Variants in TMPRSS7 observed in about 807,000 individuals in gnomAD.
TMPRSS7 encodes the protein transmembrane protease serine 7.
In TMPRSS7, 81 loss-of-function variants were observed where a neutral mutation model predicts 95.6. The ratio of observed to expected loss-of-function variants is 0.85; its 90% CI spans 0.71 to 1.02. TMPRSS7 has a LOEUF of 1.02. Among genes scored for constraint, TMPRSS7 ranks in the 50% least tolerant of loss-of-function variants. The probability of loss-of-function intolerance (pLI) is 0.00; values close to 1 mark genes in which losing one functional copy is unlikely to be tolerated. For missense variants in TMPRSS7, 945 were observed against 955.2 expected (o/e 0.99, Z 0.14); for synonymous variants, 364 against 337.8 (o/e 1.08, Z -0.85).
chr3:112,079,387 C>A (rs551772698), intron 17 of TMPRSS7, among the ~76,000 whole-genome samples: 4 of 152,272 alleles, frequency 2.6e-5, no homozygotes, highest in South Asian at 2.1e-4. Flanking sequence ...TATGCAGTTA[C>A]CTACATGATT....
intron 10 of TMPRSS7, among the ~76,000 whole-genome samples, chr3:112,057,721 T>G (rs150664133): frequency 2.0e-5 from 3 of 152,180 alleles, no homozygotes; most frequent in Non-Finnish European, 4.4e-5. Context: ...TTTTTTGTTT[T>G]GGTTTTTTAT....
intron 11 of TMPRSS7, among the ~76,000 whole-genome samples, chr3:112,062,523 G>C (rs892346528): frequency 1.3e-5 from 2 of 152,182 alleles, no homozygotes; most frequent in African/African-American, 4.8e-5. Flanking sequence ...CATCTTAAGA[G>C]GGAAAAAGTA....
intron 6 of TMPRSS7, 89 bp downstream of exon 6, chr3:112,047,101 T>C (rs1359237123): frequency 1.5e-6 from 1 of 682,062 alleles, no homozygotes; most frequent in Non-Finnish European, 2.7e-6. Flanking sequence ...TATTTGTTAG[T>C]GCTCTTTTAA....
At chr3:112,069,902 T>C (rs950402222) in intron 13 of TMPRSS7, among the ~76,000 whole-genome samples, 1 of 152,198 alleles carries the variant, frequency 6.6e-6, no homozygotes, top group Non-Finnish European at 1.5e-5. Flanking sequence ...CTTCCCTAGT[T>C]CTTTTAATTG....
At chr3:112,072,718 G>A (rs905670762) in intron 13 of TMPRSS7, among the ~76,000 whole-genome samples, 3 of 152,246 alleles carry the variant, frequency 2.0e-5, no homozygotes, top group African/African-American at 7.2e-5. Flanking sequence ...CTGGCAGTTG[G>A]ATCTCAGACT....
At chr3:112,044,424 G>C in intron 4 of TMPRSS7, 102 bp downstream of exon 4, 1 of 977,646 alleles carries the variant, frequency 1.0e-6, no homozygotes, top group Non-Finnish European at 1.6e-6. Flanking sequence ...GTAACTTCTT[G>C]GAAGTGGTTG....
intron 1 of TMPRSS7, 30 bp downstream of exon 1, chr3:112,034,923 C>T (rs2073140926): frequency 1.4e-6 from 1 of 702,626 alleles, no homozygotes; most frequent in Non-Finnish European, 2.6e-6. Flanking sequence ...CTTTCTCTTA[C>T]TTGAATGCCA....
chr3:112,050,117 C>T, intron 8 of TMPRSS7, 143 bp downstream of exon 8: 1 of 737,018 alleles, frequency 1.4e-6, no homozygotes, highest in East Asian at 3.1e-5. Flanking sequence ...AGAGAGAGAC[C>T]ATATTAGTTA....
chr3:112,045,843 C>T (rs1057488596), exon 5 of TMPRSS7: 35 of 1,551,636 alleles, frequency 2.3e-5, no homozygotes, highest in South Asian at 4.8e-5. Context: ...ACTGTGTTGC[C>T]GCCATCTTGA....
chr3:112,045,428 G>A (rs149819552), intron 4 of TMPRSS7, among the ~76,000 whole-genome samples: 32 of 152,338 alleles, frequency 2.1e-4, no homozygotes, highest in Non-Finnish European at 3.4e-4. Flanking sequence ...GATTACAGGC[G>A]TGAGCCACCA....
rs1161735611 is a variant in TMPRSS7 at position 112,054,729 on chromosome 3, C to CTTTTTTTTTTTT, written c.1204-2278_1204-2267dup. ...AACATATTTACTATCTCTCAGTTTG[C>CTTTTTTTTTTTT]TTTTTTTTTTTTTTTTTTTTTTTTT... On this transcript the variant is annotated intron_variant, in intron 9 of 17. Coordinates refer to ENST00000452346, the Ensembl canonical transcript of TMPRSS7. 4.5e-3 allele frequency among the ~76,000 whole-genome samples: 221 copies of CTTTTTTTTTTTT among 49,026 alleles called. 81 individuals carry two copies. The highest frequency in any genetic ancestry group is 7.9e-3 in the East Asian group (9 of 1,136). The allele number at this position is 49,026 out of a possible 152,430, so 32.2% of individuals were successfully genotyped here.
At chr3:112,064,989 A>G (rs1298864908) in intron 12 of TMPRSS7, among the ~76,000 whole-genome samples, 1 of 152,222 alleles carries the variant, frequency 6.6e-6, no homozygotes, top group African/African-American at 2.4e-5. Flanking sequence ...TTAATATGCT[A>G]TATCTAACAG....
At chr3:112,059,993 G>A (rs1576112097) in intron 10 of TMPRSS7, among the ~76,000 whole-genome samples, 1 of 152,128 alleles carries the variant, frequency 6.6e-6, no homozygotes, top group African/African-American at 2.4e-5. Flanking sequence ...CTAAGCATCG[G>A]CTGGGTTGAG....
At chr3:112,050,993 C>G (rs2073340787) in intron 9 of TMPRSS7, among the ~76,000 whole-genome samples, 1 of 152,084 alleles carries the variant, frequency 6.6e-6, no homozygotes, top group East Asian at 1.9e-4. Context: ...GGGCCTTTTT[C>G]TCAAATTTAT....
At position 112,050,061 on chromosome 3, in the gene TMPRSS7, A is replaced by G. The variant is rs754547426; in HGVS notation, c.1090+87A>G. 15 of 1,332,758 alleles carry G rather than the reference A, an allele frequency of 1.1e-5. No individual in the cohort carries two copies. The Admixed American group carries it at 1.7e-4, about 15-fold the overall frequency. The allele number at this position is 1,332,758 out of a possible 1,614,324, so 82.6% of individuals were successfully genotyped here. ...TTATCTTTCTGGAAGCTGTGTTGTA[A>G]TATTCATTGTATTAGTCTGGGACTC... On this transcript the variant is annotated intron_variant, in intron 8 of 17. Transcript: ENST00000452346.
chr3:112,060,484 G>C (rs2073488030), intron 10 of TMPRSS7, among the ~76,000 whole-genome samples: 1 of 152,134 alleles, frequency 6.6e-6, no homozygotes, highest in Non-Finnish European at 1.5e-5. Context: ...CCACCCTCAG[G>C]GGCACATTCT....
At chr3:112,044,494 T>A (rs1384645575) in intron 4 of TMPRSS7, among the ~76,000 whole-genome samples, 172 bp downstream of exon 4, 2 of 152,208 alleles carry the variant, frequency 1.3e-5, no homozygotes, top group African/African-American at 4.8e-5. Context: ...TTTCTTGCTG[T>A]GTTTTTGCTC....
chr3:112,047,956 C>T (rs374985122), exon 7 of TMPRSS7: 90 of 1,613,586 alleles, frequency 5.6e-5, no homozygotes, highest in Non-Finnish European at 7.1e-5. Context: ...TCCGGAGCAG[C>T]ATCTTGTACA....
intron 10 of TMPRSS7, among the ~76,000 whole-genome samples, chr3:112,058,950 T>C (rs191763263): frequency 6.6e-6 from 1 of 152,326 alleles, no homozygotes; most frequent in East Asian, 1.9e-4. Context: ...CTTCACATTA[T>C]CAAGTACTTT....
Sources: allele counts gnomAD v4.1 joint callset (sites outside exome capture counted in the v4.1 genomes callset), GRCh38; gene constraint gnomAD v4.1.1; transcripts MANE v1.5; gene names NCBI Gene and HGNC (gene_info 2026-07-23, HGNC 2026-07-21).